BCO2: variants seen among roughly 807,000 people sequenced by gnomAD.
BCO2 encodes beta-carotene oxygenase 2.
BCO2 carries 56 observed loss-of-function variants against 65.8 expected under a neutral mutation model. The ratio of observed to expected loss-of-function variants is 0.85; its 90% CI spans 0.69 to 1.06. The LOEUF is 1.06. Among genes scored for constraint, BCO2 ranks in the 50% least tolerant of loss-of-function variants. The pLI is 0.00. For missense variants in BCO2, 675 were observed against 698.5 expected (o/e 0.97, Z 0.38); for synonymous variants, 233 against 242.3 (o/e 0.96, Z 0.36).
intron 1 of BCO2, among the ~76,000 whole-genome samples, chr11:112,177,171 T>C (rs2135341589): frequency 6.6e-6 from 1 of 152,350 alleles, no homozygotes; most frequent in East Asian, 1.9e-4. Context: ...TTTATTTTAA[T>C]CTGAGAATAA....
At chr11:112,200,831 A>G (rs563882071) in intron 7 of BCO2, 58 bp downstream of exon 7, 4 of 1,577,290 alleles carry the variant, frequency 2.5e-6, no homozygotes, top group East Asian at 4.5e-5. Context: ...GCAAATTTCC[A>G]TATAGTTGAT....
intron 8 of BCO2, among the ~76,000 whole-genome samples, chr11:112,205,157 G>A (rs1483301371): frequency 6.6e-6 from 1 of 152,056 alleles, no homozygotes; most frequent in Admixed American, 6.6e-5. Flanking sequence ...ACTATGTAGG[G>A]GGTTGGCACC....
chr11:112,181,313 C>A, intron 2 of BCO2: 1 of 546,610 alleles, frequency 1.8e-6, no homozygotes, highest in Non-Finnish European at 3.3e-6. Flanking sequence ...TCCCAAGTAG[C>A]TGGGACTACA....
At chr11:112,182,528 A>C (rs1311144819) in intron 2 of BCO2, among the ~76,000 whole-genome samples, 1 of 152,244 alleles carries the variant, frequency 6.6e-6, no homozygotes, top group Non-Finnish European at 1.5e-5. Context: ...GCCATAAAAA[A>C]GGATGAGTTC....
chr11:112,176,688 T>A (rs914789560), intron 1 of BCO2, among the ~76,000 whole-genome samples: 4 of 152,160 alleles, frequency 2.6e-5, no homozygotes, highest in Non-Finnish European at 5.9e-5. Flanking sequence ...AAGGAGCCCA[T>A]AAAGGGAATT....
intron 2 of BCO2, among the ~76,000 whole-genome samples, chr11:112,190,833 G>A (rs927479618): frequency 6.7e-6 from 1 of 148,346 alleles, no homozygotes; most frequent in African/African-American, 2.5e-5. Context: ...TCCAGCCTGG[G>A]GCGACAGAGT....
chr11:112,211,786 T>G (rs538535655), intron 8 of BCO2, among the ~76,000 whole-genome samples: 1 of 152,340 alleles, frequency 6.6e-6, no homozygotes, highest in South Asian at 2.1e-4. Flanking sequence ...TTTCTGTGGG[T>G]TTCCTTTTCA....
intron 1 of BCO2, among the ~76,000 whole-genome samples, chr11:112,178,214 T>C (rs1212584956): frequency 6.6e-6 from 1 of 152,030 alleles, no homozygotes; most frequent in Non-Finnish European, 1.5e-5. Flanking sequence ...CGTGCCCCGC[T>C]GGAATTTTCT....
At chr11:112,196,327 C>T (rs1220539051) in intron 5 of BCO2, among the ~76,000 whole-genome samples, 1 of 151,964 alleles carries the variant, frequency 6.6e-6, no homozygotes, top group East Asian at 1.9e-4. Context: ...GTGCAGGCAA[C>T]TGCAGGGAGC....
At chr11:112,181,687 A>T (rs1309412208) in intron 2 of BCO2, 11 of 983,528 alleles carry the variant, frequency 1.1e-5, no homozygotes, top group Non-Finnish European at 1.8e-5. Flanking sequence ...TCCCAAAAGG[A>T]ATTTGTCCGA....
chr11:112,215,185 T>C, intron 10 of BCO2: 2 of 511,714 alleles, frequency 3.9e-6, no homozygotes, highest in South Asian at 2.2e-5. Context: ...TTGGGAGCAA[T>C]TGTGGGGTTA....
chr11:112,195,859 T>C (rs981738728), intron 5 of BCO2, among the ~76,000 whole-genome samples: 3 of 152,252 alleles, frequency 2.0e-5, no homozygotes, highest in African/African-American at 7.2e-5. Flanking sequence ...CTTCAGGGAT[T>C]CCGGTTTAGT....
chr11:112,177,610 A>G (rs149391359), intron 1 of BCO2, among the ~76,000 whole-genome samples: 17 of 152,344 alleles, frequency 1.1e-4, no homozygotes, highest in African/African-American at 3.8e-4. Flanking sequence ...TAAATATAAT[A>G]ATAGCATTTT....
At chr11:112,208,807 C>T in intron 8 of BCO2, 2 of 191,466 alleles carry the variant, frequency 1.0e-5, no homozygotes, top group Non-Finnish European at 2.3e-5. Flanking sequence ...CCAGACACTG[C>T]AGAAGTAATG....
In BCO2 at chr11:112,218,193, A is replaced by C; in HGVS notation, c.*319A>C. The stretch of plus-strand genomic sequence containing the variant: ...AAAGGGCACCGTACCTCCCAAACCA[A>C]TGTCCCAAATAGACATTTAGTTTAA... On this transcript the variant is annotated 3_prime_UTR_variant, in exon 12 of 12. Transcript: ENST00000357685. The C allele has an allele frequency of 2.1e-5, 4 of 192,244 alleles. No individual in the cohort carries two copies. Among genetic ancestry groups the C allele is most frequent in the Non-Finnish European group, 2.1e-5 (2 of 93,612 alleles). 11.9% of individuals were successfully genotyped at this position (192,244 alleles called of 1,614,324 possible).
Position 112,218,531 on chromosome 11 carries a change from G to C in BCO2, c.*657G>C. On this transcript the variant is annotated 3_prime_UTR_variant, in exon 12 of 12. Transcript: ENST00000357685. ...TATGTCAAGTTGGTGGAGTCCCATG[G>C]TGCTGAACACCAACTCACCCTAATT... 3.7e-6 allele frequency: 1 copy of C among 271,024 alleles called. No individual in the cohort carries two copies. Among genetic ancestry groups the C allele is most frequent in the Non-Finnish European group, 7.8e-6 (1 of 128,440 alleles). 16.8% of individuals were successfully genotyped at this position (271,024 alleles called of 1,614,324 possible).
At chr11:112,190,460 A>G (rs562706782) in intron 2 of BCO2, among the ~76,000 whole-genome samples, 59 of 152,212 alleles carry the variant, frequency 3.9e-4, no homozygotes, top group Admixed American at 6.5e-4. Flanking sequence ...CAAATACGCC[A>G]TATTAGTAAG....
intron 2 of BCO2, among the ~76,000 whole-genome samples, chr11:112,193,230 G>A (rs1321767297): frequency 6.7e-6 from 1 of 150,138 alleles, no homozygotes; most frequent in Non-Finnish European, 1.5e-5. Flanking sequence ...CACCCACCTC[G>A]GCCTCCCAAA....
In BCO2 at chr11:112,194,766, A is replaced by G. The variant is rs778737107; in HGVS notation, c.736+11A>G. Reference sequence around the variant, plus strand: ...CCTTTGGGCCATATGGTAAAGTTGCAATAAAGGTCTTTTTAGAAATAATTG... The same window carrying G: ...CCTTTGGGCCATATGGTAAAGTTGCGATAAAGGTCTTTTTAGAAATAATTG... On this transcript the variant is annotated intron_variant, in intron 5 of 11. Transcript: ENST00000357685. 3 of 1,522,712 alleles carry G rather than the reference A, an allele frequency of 2.0e-6. No individual in the cohort carries two copies. In the African/African-American group the frequency reaches 4.1e-5, roughly 21 times the overall value. The allele number at this position is 1,522,712 out of a possible 1,614,324, so 94.3% of individuals were successfully genotyped here.
Sources: allele counts gnomAD v4.1 joint callset (sites outside exome capture counted in the v4.1 genomes callset), GRCh38; gene constraint gnomAD v4.1.1; transcripts MANE v1.5; gene names NCBI Gene and HGNC (gene_info 2026-07-23, HGNC 2026-07-21).